Variants in FBXO6 observed in about 807,000 individuals in gnomAD.
FBXO6 encodes F-box protein 6, also known as F-box only protein 6.
Under a neutral mutation model 25.0 loss-of-function variants are expected in FBXO6, and 13 were observed. The ratio of observed to expected loss-of-function variants is 0.52; its 90% CI spans 0.34 to 0.83. FBXO6 has a LOEUF of 0.83. FBXO6 is among the 40% of genes least tolerant of loss of function. FBXO6 has a pLI of 0.02. For missense variants in FBXO6, 370 were observed against 380.2 expected, an observed-to-expected ratio of 0.97 and a Z score of 0.22; for synonymous variants, 138 against 155.3, an observed-to-expected ratio of 0.89 and a Z score of 0.83.
rs769979789 is a variant in FBXO6, at chr1:11,668,687, T to G, written c.29T>G (p.Leu10Arg). 2 of 1,613,794 alleles carry G rather than the reference T, an allele frequency of 1.2e-6. No homozygotes were observed. The highest frequency in any genetic ancestry group is 2.7e-5 in the African/African-American group (2 of 74,934). Residue 10 changes from leucine (L) to arginine (R), a missense_variant, in exon 2 of 6, where the codon CTG (leucine) becomes CGG (arginine). Coordinates refer to ENST00000376753, the MANE Select transcript of FBXO6 (RefSeq NM_018438.6). MDAPHSKAA[L>R]DSINELPENI... ...GATGCTCCCCACTCCAAAGCAGCCC[T>G]GGACAGCATTAACGAGCTGCCCGAG...
intron 2 of FBXO6, among the ~76,000 whole-genome samples, chr1:11,669,660 A>G (rs1640551585): frequency 2.0e-5 from 2 of 102,406 alleles, no homozygotes; most frequent in South Asian, 6.4e-4. Flanking sequence ...GTATACATAT[A>G]CACATGTATA....
In FBXO6 at chr1:11,674,006, T is replaced by C. The variant is rs1640706222; in HGVS notation, c.*155T>C. On this transcript the variant is annotated 3_prime_UTR_variant, in exon 6 of 6. Transcript: ENST00000376753. The surrounding 1 kb of genome is among the most constrained non-coding windows in gnomAD (Gnocchi z 6.1). ...CTGTCACATAGCTCTGACGTTTTGT[T>C]GTAATAAATGTTTTCAGGCCGGGCA... 1 of 667,354 alleles carries C rather than the reference T, an allele frequency of 1.5e-6. No homozygotes were observed. Among genetic ancestry groups the C allele is most frequent in the Non-Finnish European group, 2.6e-6 (1 of 383,648 alleles). 41.3% of individuals were successfully genotyped at this position (667,354 alleles called of 1,614,324 possible). A position where few individuals can be genotyped will look rare whatever the true frequency, so the allele number is the denominator to read the frequency against.
At chr1:11,669,821 G>A (rs1640565039) in intron 2 of FBXO6, among the ~76,000 whole-genome samples, 1 of 149,918 alleles carries the variant, frequency 6.7e-6, no homozygotes, top group African/African-American at 2.4e-5. Context: ...ACTTTTAGTA[G>A]AGATGAGGTT....
At chr1:11,672,857 G>T (rs533768848) in intron 4 of FBXO6, among the ~76,000 whole-genome samples, 3 of 152,210 alleles carry the variant, frequency 2.0e-5, no homozygotes, top group Non-Finnish European at 4.4e-5. Flanking sequence ...AGAGCTGCAG[G>T]GGGGAGAGGT....
In FBXO6 at chr1:11,672,008, T is replaced by G. The variant is rs1431959763; in HGVS notation, c.494T>G (p.Ile165Ser). Residue 165 changes from isoleucine (I) to serine (S), a missense_variant, in exon 4 of 6, where the codon ATC becomes AGC. By Grantham distance (142) the Ile-to-Ser change is moderately radical. Coordinates refer to ENST00000376753, the MANE Select transcript of FBXO6 (RefSeq NM_018438.6). ...EELLDTFRPD[I>S]VVKDWFAARA... ...CTACTAGACACATTCCGGCCGGACA[T>G]CGTGGTTAAGGACTGGTGAGTAGGG... 1 of 1,614,020 alleles carries G rather than the reference T, an allele frequency of 6.2e-7. No individual in the cohort carries two copies. Among genetic ancestry groups the G allele is most frequent in the African/African-American group, 1.3e-5 (1 of 74,940 alleles).
In FBXO6 at chr1:11,673,625, C is replaced by A; in HGVS notation, c.656C>A (p.Thr219Asn). 6.2e-7 allele frequency: 1 copy of A among 1,613,992 alleles called. No individual in the cohort carries two copies. Among genetic ancestry groups the A allele is most frequent in the Non-Finnish European group, 8.5e-7 (1 of 1,179,926 alleles). Residue 219 changes from threonine to asparagine, a missense_variant, in exon 6 of 6, where the codon ACC becomes AAC. Transcript: ENST00000376753. This position sits in a 1 kb window ranked among gnomAD's most constrained non-coding sequence, Gnocchi z 4.3. ...NNATWTEVSY[T>N]FSDYPRGVRY... ...CCTTCCTCCCAACAGGTCTCCTACA[C>A]CTTCTCAGACTACCCCCGGGGTGTC...
chr1:11,666,093 C>T (rs1640429824), intron 1 of FBXO6, among the ~76,000 whole-genome samples: 2 of 132,582 alleles, frequency 1.5e-5, no homozygotes, highest in African/African-American at 2.9e-5. Context: ...GGCTGGAGTG[C>T]CATGGAGCAA....
chr1:11,666,844 A>G lies in FBXO6; in HGVS notation c.-3-1812A>G, dbSNP rs939093451. ...TGCTTTGGCCAAGCCTCTATGGAAA[A>G]TCAGAAGAGGCCACAGCAAAAGGCT... On this transcript the variant is annotated intron_variant, in intron 1 of 5. Transcript: ENST00000376753. Among the ~76,000 whole-genome samples, 18 of 152,084 alleles carry G rather than the reference A, an allele frequency of 1.2e-4. 1 individual carries two copies.
At position 11,672,149 on chromosome 1, in the gene FBXO6, G is replaced by A. The variant is rs116637691; in HGVS notation, c.509+126G>A. The A allele has an allele frequency of 1.3e-3, 1,055 of 815,618 alleles. 9 individuals carry two copies. The African/African-American group carries it at 0.016, about 12-fold the overall frequency. 50.5% of individuals were successfully genotyped at this position (815,618 alleles called of 1,614,324 possible). The stretch of plus-strand genomic sequence containing the variant: ...CAGTGCCCTGGAGCCAGGTAGCCCC[G>A]GCCTCCGCCCCTGCTCTGCACCCAC... On this transcript the variant is annotated intron_variant, in intron 4 of 5. Transcript: ENST00000376753.
chr1:11,674,161 G>A lies in FBXO6; in HGVS notation c.*310G>A, dbSNP rs111774484. ...CTACTAAAAATACAAAAAATTAGCC[G>A]GGCGTGGTGGCGGGCGCCTGTAGTC... On this transcript the variant is annotated 3_prime_UTR_variant, in exon 6 of 6. Coordinates refer to ENST00000376753, the MANE Select transcript of FBXO6 (RefSeq NM_018438.6). This position sits in a 1 kb window ranked among gnomAD's most constrained non-coding sequence, Gnocchi z 6.1. 5.5e-5 allele frequency: 17 copies of A among 309,436 alleles called. No individual in the cohort carries two copies. The highest frequency in any genetic ancestry group is 2.1e-4 in the African/African-American group (10 of 46,794). 19.2% of individuals were successfully genotyped at this position (309,436 alleles called of 1,614,324 possible).
chr1:11,668,351 G>A (rs890321548), intron 1 of FBXO6, among the ~76,000 whole-genome samples: 3 of 151,256 alleles, frequency 2.0e-5, no homozygotes, highest in Admixed American at 1.3e-4. Context: ...TCCACTGAGG[G>A]GCTACTGTTT....
At chr1:11,666,690 A>G (rs1247173633) in intron 1 of FBXO6, among the ~76,000 whole-genome samples, 1 of 151,992 alleles carries the variant, frequency 6.6e-6, no homozygotes, top group Non-Finnish European at 1.5e-5. Context: ...CCTGCAAAGC[A>G]TTTTTCACGA....
Position 11,673,305 on chromosome 1 carries a change from A to C in FBXO6, c.538A>C (p.Thr180Pro), listed in dbSNP as rs762585637. The C allele has an allele frequency of 3.7e-6, 6 of 1,613,952 alleles. No homozygotes were observed. The highest frequency in any genetic ancestry group is 5.1e-6 in the Non-Finnish European group (6 of 1,179,988). Residue 180 changes from threonine to proline, a missense_variant, in exon 5 of 6, where the codon ACC becomes CCC. Coordinates refer to ENST00000376753, the MANE Select transcript of FBXO6 (RefSeq NM_018438.6). This position sits in a 1 kb window ranked among gnomAD's most constrained non-coding sequence, Gnocchi z 4.3. ...WFAARADCGCTYQLKVQLASA... is the reference protein window; with the variant it reads ...WFAARADCGCPYQLKVQLASA... The stretch of plus-strand genomic sequence containing the variant: ...TGCTGCCAGAGCCGACTGTGGCTGC[A>C]CCTACCAACTCAAAGTGCAGCTGGC...
chr1:11,666,958 C>T (rs1414396354), intron 1 of FBXO6, among the ~76,000 whole-genome samples: 1 of 152,014 alleles, frequency 6.6e-6, no homozygotes, highest in Admixed American at 6.6e-5. Context: ...ACCAGCCTGG[C>T]CAACATGGTG....
At chr1:11,665,951 T>TA (rs545545608) in intron 1 of FBXO6, among the ~76,000 whole-genome samples, 59 of 151,912 alleles carry the variant, frequency 3.9e-4, no homozygotes, top group Non-Finnish European at 7.8e-4. Context: ...TTCAAATGCT[T>TA]ACAGTTGCTT....
At position 11,668,886 on chromosome 1, in the gene FBXO6, A is replaced by G. The variant is rs764647702; in HGVS notation, c.228A>G (p.Lys76=). ...KDWDQPVADW[K]IFYFLRSLHR... ...GGGACCAGCCCGTGGCCGACTGGAAAATCTTCTACTTCCTACGGAGCCTGC... is the reference window on the plus strand; with the variant it reads ...GGGACCAGCCCGTGGCCGACTGGAAGATCTTCTACTTCCTACGGAGCCTGC... The change falls in exon 2 of 6, where the codon AAA becomes AAG. Residue 76 remains lysine, a synonymous_variant. Coordinates refer to ENST00000376753, the MANE Select transcript of FBXO6 (RefSeq NM_018438.6). 1.2e-5 allele frequency: 19 copies of G among 1,613,334 alleles called. 1 individual carries two copies. Among genetic ancestry groups the G allele is most frequent in the South Asian group, 2.2e-5 (2 of 91,012 alleles).
chr1:11,666,837 A>G (rs528749630), intron 1 of FBXO6, among the ~76,000 whole-genome samples: 24 of 152,246 alleles, frequency 1.6e-4, no homozygotes, highest in East Asian at 7.7e-4. Context: ...CCAAGCCTCT[A>G]TGGAAAATCA....
intron 3 of FBXO6, 120 bp downstream of exon 3, chr1:11,671,512 G>T: frequency 7.0e-7 from 1 of 1,428,064 alleles, no homozygotes; most frequent in South Asian, 1.3e-5. Flanking sequence ...GAGGGAGGTG[G>T]CCCCAAAACT....
chr1:11,672,291 CTTTT>C (rs71568344), intron 4 of FBXO6, among the ~76,000 whole-genome samples: 1 of 146,458 alleles, frequency 6.8e-6, no homozygotes, highest in Non-Finnish European at 1.5e-5. Flanking sequence ...TGGACAGGCA[CTTTT>C]TTTTTTTTTG....
Sources: gnomAD v4.1 joint callset for allele counts (sites outside exome capture counted in the v4.1 genomes callset) on GRCh38, gnomAD v4.1.1 for gene constraint, Gnocchi (gnomAD v3.1) non-coding constraint, MANE v1.5 for transcripts, NCBI Gene and HGNC (gene_info 2026-07-23, HGNC 2026-07-21) for gene names.